TAFA1: variants seen among roughly 807,000 people sequenced by gnomAD.
TAFA1 encodes chemokine-like protein TAFA-1.
A neutral mutation model predicts 18.5 loss-of-function variants in TAFA1; 4 were observed. That is an observed-to-expected ratio of 0.22 (90% CI 0.11 to 0.49). The LOEUF (loss-of-function observed/expected upper bound fraction) is 0.49. Among genes scored for constraint, TAFA1 ranks in the 20% least tolerant of loss-of-function variants. The pLI, the probability that TAFA1 is intolerant of heterozygous loss-of-function variation, is 0.98. For missense variants in TAFA1, 147 were observed against 169.0 expected (o/e 0.87, Z 0.72); for synonymous variants, 56 against 55.2 (o/e 1.01, Z -0.06).
chr3:68,378,695 C>T (rs567226994), intron 2 of TAFA1, among the ~76,000 whole-genome samples: 2 of 152,226 alleles, frequency 1.3e-5, no homozygotes, highest in African/African-American at 2.4e-5. Context: ...AATCTCATCT[C>T]AAATTGTAAT....
chr3:67,995,948 G>C, the TAFA1 span, among the ~76,000 whole-genome samples: 1 of 152,146 alleles, frequency 6.6e-6, no homozygotes, highest in Admixed American at 6.5e-5. Context: ...TCATTCATTC[G>C]CACATTCATG....
intron 2 of TAFA1, among the ~76,000 whole-genome samples, chr3:68,230,232 G>A (rs1200166493): frequency 6.6e-6 from 1 of 151,524 alleles, no homozygotes; most frequent in Non-Finnish European, 1.5e-5. Context: ...CTATATTTTT[G>A]TACCCATAAC....
the TAFA1 span, among the ~76,000 whole-genome samples, chr3:67,998,407 C>G: frequency 7.2e-5 from 11 of 152,290 alleles, no homozygotes; most frequent in East Asian, 2.1e-3. Flanking sequence ...GTGCCACCCT[C>G]CCCCACTGCA....
At chr3:68,328,104 GAC>G (rs2068806684) in intron 2 of TAFA1, among the ~76,000 whole-genome samples, 1 of 152,106 alleles carries the variant, frequency 6.6e-6, no homozygotes. Flanking sequence ...GTTACATTTT[GAC>G]ACTGGCTAGG....
At chr3:68,229,364 A>C (rs1376308139) in intron 2 of TAFA1, among the ~76,000 whole-genome samples, 2 of 152,208 alleles carry the variant, frequency 1.3e-5, no homozygotes, top group African/African-American at 4.8e-5. Context: ...TCTTGCTAAG[A>C]TATCTTATTC....
intron 2 of TAFA1, among the ~76,000 whole-genome samples, chr3:68,232,635 T>G (rs1482658861): frequency 6.6e-6 from 1 of 152,118 alleles, no homozygotes; most frequent in Non-Finnish European, 1.5e-5. Flanking sequence ...CTTTTTTTAG[T>G]AGCTATGTCA....
chr3:68,348,782 A>G (rs1575796097), intron 2 of TAFA1, among the ~76,000 whole-genome samples: 1 of 152,068 alleles, frequency 6.6e-6, no homozygotes, highest in Non-Finnish European at 1.5e-5. Context: ...TAAAAACTCA[A>G]CATGCAATGT....
intron 3 of TAFA1, among the ~76,000 whole-genome samples, chr3:68,477,582 T>A (rs752504412): frequency 3.3e-5 from 5 of 152,096 alleles, no homozygotes; most frequent in Non-Finnish European, 7.3e-5. Flanking sequence ...GGTTTCACTA[T>A]GTTGGTCAGG....
intron 3 of TAFA1, among the ~76,000 whole-genome samples, chr3:68,484,178 C>G (rs896433922): frequency 5.9e-5 from 9 of 152,184 alleles, no homozygotes; most frequent in African/African-American, 2.2e-4. Flanking sequence ...ATTCTTTCTT[C>G]TTTGTACTAA....
intron 2 of TAFA1, among the ~76,000 whole-genome samples, chr3:68,241,235 A>T (rs2066995185): frequency 6.6e-6 from 1 of 152,154 alleles, no homozygotes; most frequent in Non-Finnish European, 1.5e-5. Context: ...TTGGTACTTG[A>T]CCTATTGGAA....
chr3:68,343,833 G>A (rs1234166374), intron 2 of TAFA1, among the ~76,000 whole-genome samples: 1 of 152,188 alleles, frequency 6.6e-6, no homozygotes, highest in African/African-American at 2.4e-5. Flanking sequence ...CATTTAAGAA[G>A]TGTGCAGCAA....
intron 2 of TAFA1, among the ~76,000 whole-genome samples, chr3:68,121,139 C>T (rs1377141188): frequency 6.6e-6 from 1 of 151,710 alleles, no homozygotes; most frequent in Non-Finnish European, 1.5e-5. Flanking sequence ...TATTTTATTT[C>T]TCTTTGCTCA....
intron 2 of TAFA1, among the ~76,000 whole-genome samples, chr3:68,392,553 T>C (rs1297362711): frequency 6.6e-6 from 1 of 152,154 alleles, no homozygotes; most frequent in South Asian, 2.1e-4. Context: ...ATCAACAGAA[T>C]ATACGTTCTT....
At chr3:68,306,116 A>C (rs1342190837) in intron 2 of TAFA1, among the ~76,000 whole-genome samples, 1 of 152,266 alleles carries the variant, frequency 6.6e-6, no homozygotes, top group Non-Finnish European at 1.5e-5. Flanking sequence ...CAGAGAAAAT[A>C]CAAACAAGGG....
chr3:68,295,037 GCT>G (rs778173072), intron 2 of TAFA1, among the ~76,000 whole-genome samples: 11 of 152,254 alleles, frequency 7.2e-5, no homozygotes, highest in Middle Eastern at 3.4e-3. Context: ...TCTCCCATTT[GCT>G]CTCTGTCTTT....
At chr3:68,318,842 A>G (rs72626973) in intron 2 of TAFA1, among the ~76,000 whole-genome samples, 3,937 of 152,302 alleles carry the variant, frequency 0.026, 90 homozygotes, top group East Asian at 0.098. Context: ...GTCCTCTTCA[A>G]TAAAAAAGCA....
At chr3:67,995,765 T>A in the TAFA1 span, among the ~76,000 whole-genome samples, 1 of 152,286 alleles carries the variant, frequency 6.6e-6, no homozygotes, top group East Asian at 1.9e-4. Context: ...GATGCACATT[T>A]AGGCACTCTC....
At chr3:68,278,235 A>G (rs1213197426) in intron 2 of TAFA1, among the ~76,000 whole-genome samples, 1 of 152,130 alleles carries the variant, frequency 6.6e-6, no homozygotes, top group Non-Finnish European at 1.5e-5. Context: ...AAGACTGGTA[A>G]TGTTTCCTAA....
chr3:68,160,077 G>A (rs73834864), intron 2 of TAFA1, among the ~76,000 whole-genome samples: 6,209 of 152,288 alleles, frequency 0.041, 151 homozygotes, highest in Middle Eastern at 0.082. Flanking sequence ...TAAGTGTATA[G>A]TAGAAATGGA....
Sources: allele counts gnomAD v4.1 joint callset (sites outside exome capture counted in the v4.1 genomes callset), GRCh38; gene constraint gnomAD v4.1.1; transcripts MANE v1.5; gene names NCBI Gene and HGNC (gene_info 2026-07-23, HGNC 2026-07-21).